The following TGM7 variants were observed in gnomAD, a reference collection of about 807,000 sequenced individuals.
TGM7 encodes protein-glutamine gamma-glutamyltransferase Z.
In TGM7, 74 loss-of-function variants were observed where a neutral mutation model predicts 79.5. The ratio of observed to expected loss-of-function variants is 0.93; its 90% confidence interval spans 0.77 to 1.13. The LOEUF (loss-of-function observed/expected upper bound fraction) is 1.13. TGM7 is among the 50% of genes most tolerant of loss of function. TGM7 has a pLI of 0.00. For synonymous variants in TGM7, 354 were observed against 362.5 expected, an observed-to-expected ratio of 0.98 and a Z score of 0.27; for missense variants, 912 against 905.9, an observed-to-expected ratio of 1.01 and a Z score of -0.09.
intron 1 of TGM7, among the ~76,000 whole-genome samples, chr15:43,295,892 T>C (rs143284407): frequency 7.2e-5 from 11 of 152,348 alleles, no homozygotes; most frequent in African/African-American, 2.4e-4. Context: ...TAAATAGATA[T>C]GTTATTGGAA....
intron 10 of TGM7, 138 bp from the exon 11 acceptor site, chr15:43,279,415 AC>A: frequency 8.7e-7 from 1 of 1,154,178 alleles, no homozygotes; most frequent in Non-Finnish European, 1.2e-6. Flanking sequence ...ACAGCGTCCC[AC>A]CACGCACACA....
chr15:43,284,094 G>C (rs1170853042), intron 7 of TGM7, among the ~76,000 whole-genome samples: 2 of 152,200 alleles, frequency 1.3e-5, no homozygotes, highest in Non-Finnish European at 2.9e-5. Context: ...ATCTACTCGG[G>C]GGGCTGAGGC....
intron 1 of TGM7, among the ~76,000 whole-genome samples, chr15:43,299,556 AG>A (rs1190328828): frequency 6.6e-6 from 1 of 152,210 alleles, no homozygotes; most frequent in African/African-American, 2.4e-5. Context: ...CCAGGCAGTC[AG>A]GTTAGTGGTG....
intron 4 of TGM7, 28 bp downstream of exon 4, chr15:43,291,951 C>G (rs760912756): frequency 1.3e-6 from 2 of 1,571,962 alleles, no homozygotes; most frequent in African/African-American, 2.7e-5. Flanking sequence ...GGAGCCCACC[C>G]CAGGCCCACA....
rs568269905 is a variant in TGM7 at position 43,281,879 on chromosome 15, C to A, written c.1316G>T (p.Arg439Leu). 1 of 1,614,188 alleles carries A rather than the reference C, an allele frequency of 6.2e-7. No homozygotes were observed. Among genetic ancestry groups the A allele is most frequent in the East Asian group, 2.2e-5 (1 of 44,886 alleles). The change falls in exon 9 of 13, where the codon CGC (arginine) becomes CTC (leucine). Residue 439 changes from arginine (R) to leucine (L), a missense_variant. Coordinates refer to ENST00000452443, the MANE Select transcript of TGM7 (RefSeq NM_052955.3). ...ISTKMVGSDQRQSITSSYKYP... is the reference protein window; with the variant it reads ...ISTKMVGSDQLQSITSSYKYP... ...CTTGTAGGAGCTGGTGATGCTCTGG[C>A]GCTGGTCTGACCCCACCATCTTAGT...
chr15:43,287,256 C>T (rs890990636), intron 6 of TGM7, 24 bp downstream of exon 6: 1 of 1,607,060 alleles, frequency 6.2e-7, no homozygotes, highest in African/African-American at 1.3e-5. Flanking sequence ...AATCACACCC[C>T]TAAGTGAGTG....
intron 11 of TGM7, among the ~76,000 whole-genome samples, chr15:43,278,600 A>C (rs2042889370): frequency 6.6e-6 from 1 of 152,158 alleles, no homozygotes; most frequent in Non-Finnish European, 1.5e-5. Flanking sequence ...AGAGGCATGC[A>C]CCACCACACC....
chr15:43,277,039 C>T (rs2042881725), intron 11 of TGM7, 44 bp from the exon 12 acceptor site: 2 of 1,601,886 alleles, frequency 1.2e-6, no homozygotes. Context: ...ACTGGCCTCG[C>T]TTCTGCACTC....
chr15:43,285,473 T>C (rs2042930775), intron 6 of TGM7, among the ~76,000 whole-genome samples: 1 of 152,148 alleles, frequency 6.6e-6, no homozygotes, highest in Non-Finnish European at 1.5e-5. Flanking sequence ...AACTTTTATT[T>C]TAGGTTTGAG....
At position 43,276,359 on chromosome 15, in the gene TGM7, G is replaced by T; in HGVS notation, c.*96C>A. ...GCTTCATTCATTCCCAGGCAGGCTA[G>T]AGAGAGGACAGAGGTGGAGCCAAGA... On this transcript the variant is annotated 3_prime_UTR_variant, in exon 13 of 13. Transcript: ENST00000452443. The T allele has an allele frequency of 7.1e-7, 1 of 1,403,148 alleles. No homozygotes were observed. Among genetic ancestry groups the T allele is most frequent in the South Asian group, 1.4e-5 (1 of 73,158 alleles). The allele number at this position is 1,403,148 out of a possible 1,614,324, so 86.9% of individuals were successfully genotyped here.
intron 6 of TGM7, among the ~76,000 whole-genome samples, chr15:43,286,709 C>A (rs1226341978): frequency 6.6e-6 from 1 of 152,228 alleles, no homozygotes; most frequent in Non-Finnish European, 1.5e-5. Context: ...AAGGGTGAGA[C>A]AAGTACTCTC....
chr15:43,298,118 G>A (rs1245111119), intron 1 of TGM7, among the ~76,000 whole-genome samples: 1 of 152,252 alleles, frequency 6.6e-6, no homozygotes, highest in African/African-American at 2.4e-5. Flanking sequence ...ATACAGGAAG[G>A]TGCTGGGTGG....
chr15:43,300,424 C>T (rs1209047936), intron 1 of TGM7, among the ~76,000 whole-genome samples: 1 of 152,194 alleles, frequency 6.6e-6, no homozygotes, highest in African/African-American at 2.4e-5. Context: ...GAACCTAGTT[C>T]TTAACTTCTG....
chr15:43,293,085 G>T, intron 2 of TGM7, 131 bp from the exon 3 acceptor site: 2 of 1,312,342 alleles, frequency 1.5e-6, no homozygotes, highest in Non-Finnish European at 1.0e-6. Context: ...GCCACCGAGT[G>T]TCCTCAGGCA....
Position 43,279,157 on chromosome 15 carries a change from A to T in TGM7, c.1799T>A (p.Leu600Gln). 6.2e-7 allele frequency: 1 copy of T among 1,614,154 alleles called. No homozygotes were observed. Among genetic ancestry groups the T allele is most frequent in the Non-Finnish European group, 8.5e-7 (1 of 1,180,020 alleles). The change falls in exon 11 of 13, where the codon CTA becomes CAA. Residue 600 changes from leucine to glutamine, a missense_variant. Physicochemically the swap from Leu to Gln is moderately radical, Grantham distance 113. Coordinates refer to ENST00000452443, the MANE Select transcript of TGM7 (RefSeq NM_052955.3). The part of the protein sequence containing the change: ...VEETGRSMLV[L>Q]KDICLEPPHL... ...GGGAGGCTCCAGACAGATATCTTTT[A>T]GGACCAGCATGGACCTCCCTGTCTC...
At chr15:43,277,943 A>G (rs77054105) in intron 11 of TGM7, among the ~76,000 whole-genome samples, 2 of 152,380 alleles carry the variant, frequency 1.3e-5, no homozygotes, top group East Asian at 1.9e-4. Flanking sequence ...ATGGGGACCA[A>G]TTAGCAACCT....
chr15:43,277,146 G>C (rs1256190223), intron 11 of TGM7, 151 bp from the exon 12 acceptor site: 12 of 965,164 alleles, frequency 1.2e-5, no homozygotes, highest in Non-Finnish European at 1.7e-5. Flanking sequence ...TGTGAGCTGA[G>C]AGTACTTGAG....
intron 2 of TGM7, 96 bp from the exon 3 acceptor site, chr15:43,293,050 C>T: frequency 6.6e-7 from 1 of 1,511,734 alleles, no homozygotes; most frequent in Non-Finnish European, 8.9e-7. Flanking sequence ...TCTCCCACCA[C>T]CTGCTAATGC....
At chr15:43,298,378 T>C (rs971469611) in intron 1 of TGM7, among the ~76,000 whole-genome samples, 1 of 152,210 alleles carries the variant, frequency 6.6e-6, no homozygotes, top group East Asian at 1.9e-4. Context: ...GCTGCTTGAT[T>C]CAGTAGTCAT....
Sources: gnomAD v4.1 joint callset for allele counts (sites outside exome capture counted in the v4.1 genomes callset) on GRCh38, gnomAD v4.1.1 for gene constraint, MANE v1.5 for transcripts, NCBI Gene and HGNC (gene_info 2026-07-23, HGNC 2026-07-21) for gene names.